The following CCDC91 variants were observed in gnomAD, a reference collection of about 807,000 sequenced individuals.
The protein encoded by CCDC91 is coiled-coil domain containing 91, also known as coiled-coil domain-containing protein 91.
CCDC91 carries 48 observed loss-of-function variants against 63.2 expected under a neutral mutation model. The observed-to-expected ratio is 0.76, with a 90% CI of 0.60 to 0.97. CCDC91 has a LOEUF of 0.97. CCDC91 is among the 50% of genes least tolerant of loss of function. CCDC91 has a pLI of 0.00. For synonymous variants in CCDC91, 167 were observed against 165.8 expected, an observed-to-expected ratio of 1.01 and a Z score of -0.06; for missense variants, 500 against 494.6, an observed-to-expected ratio of 1.01 and a Z score of -0.10.
intron 1 of CCDC91, among the ~76,000 whole-genome samples, chr12:28,238,076 G>A (rs1056966353): frequency 2.0e-5 from 3 of 152,144 alleles, no homozygotes; most frequent in African/African-American, 4.8e-5. Flanking sequence ...CCCATTGTAA[G>A]TCTACAACCT....
At chr12:28,391,926 T>C (rs745931445) in intron 8 of CCDC91, among the ~76,000 whole-genome samples, 144 of 152,306 alleles carry the variant, frequency 9.5e-4, no homozygotes, top group Non-Finnish European at 7.4e-4. Context: ...ATAGCATAAA[T>C]AATGTATGTA....
rs536464215 is a variant in CCDC91, at chr12:28,289,848, C to T, written c.110-15801C>T. On this transcript the variant is annotated intron_variant, in intron 3 of 12. Transcript: ENST00000536442. ...CTGGGACTACAGATGCCCGCCACCA[C>T]GCCTGGCTAATTTTTTGTATTTTTT... Among the ~76,000 whole-genome samples, 25 of 151,974 alleles carry T rather than the reference C, an allele frequency of 1.6e-4. No homozygotes were observed. In the South Asian group the frequency reaches 2.7e-3, roughly 16 times the overall value.
intron 3 of CCDC91, chr12:28,302,526 G>A (rs143573922): frequency 3.9e-6 from 2 of 507,402 alleles, no homozygotes; most frequent in Non-Finnish European, 5.1e-6. Flanking sequence ...TGCATAAATT[G>A]TTAATGTTTA....
intron 8 of CCDC91, among the ~76,000 whole-genome samples, chr12:28,449,673 A>C (rs1229220072): frequency 2.6e-5 from 4 of 151,986 alleles, no homozygotes; most frequent in Non-Finnish European, 5.9e-5. Flanking sequence ...CTGTGGTAAA[A>C]TCTTGAGGTG....
Position 28,190,897 on chromosome 12 carries a change from C to T in CCDC91, c.-15+256C>T, listed in dbSNP as rs144358459. On this transcript the variant is annotated intron_variant, in intron 1 of 12. Coordinates refer to ENST00000536442, the MANE Select transcript of CCDC91 (RefSeq NM_018318.5). ...TCGCCGGTGGGTACCGGTATCTGCA[C>T]GTCCCAGAATCGAGTGTTTTCGAAA... Among the ~76,000 whole-genome samples the T allele has an allele frequency of 7.9e-4, 120 of 152,304 alleles. 5 individuals are homozygous for T. In the East Asian group the frequency reaches 0.022, roughly 28 times the overall value.
intron 7 of CCDC91, among the ~76,000 whole-genome samples, chr12:28,363,803 G>A (rs984240157): frequency 6.6e-6 from 1 of 150,676 alleles, no homozygotes; most frequent in African/African-American, 2.4e-5. Context: ...CATGAACCCG[G>A]GAGGCGGAGC....
At chr12:28,507,167 A>G (rs893565945) in intron 12 of CCDC91, among the ~76,000 whole-genome samples, 2 of 151,950 alleles carry the variant, frequency 1.3e-5, no homozygotes, top group African/African-American at 4.8e-5. Context: ...GGGGGTAAAA[A>G]ACTTCCAGTG....
chr12:28,452,604 G>GT lies in CCDC91; in HGVS notation c.1052dup (p.Ser352IlefsTer20). The stretch of plus-strand genomic sequence containing the variant: ...AGAACATGCAAAAGATCAAGAAAAA[G>GT]TATCTCAGGAAATTCAAAAAGCTAT... On this transcript the variant is annotated frameshift_variant, in exon 11 of 13. Coordinates refer to ENST00000536442, the MANE Select transcript of CCDC91 (RefSeq NM_018318.5). LOFTEE classifies it high-confidence loss of function. The GT allele has an allele frequency of 6.3e-7, 1 of 1,577,126 alleles. No individual in the cohort carries two copies. The highest frequency in any genetic ancestry group is 8.6e-7 in the Non-Finnish European group (1 of 1,162,786).
chr12:28,427,962 C>T (rs1948417534), intron 8 of CCDC91, among the ~76,000 whole-genome samples: 1 of 152,102 alleles, frequency 6.6e-6, no homozygotes, highest in Non-Finnish European at 1.5e-5. Flanking sequence ...CCAGTAAAGG[C>T]ATAAAGTAGG....
chr12:28,339,406 G>T (rs1227622763), intron 6 of CCDC91, among the ~76,000 whole-genome samples: 1 of 152,010 alleles, frequency 6.6e-6, no homozygotes, highest in African/African-American at 2.4e-5. Flanking sequence ...GGCATTAGGG[G>T]TTTGGGGCTG....
intron 12 of CCDC91, among the ~76,000 whole-genome samples, chr12:28,534,433 G>A (rs756707676): frequency 2.6e-4 from 39 of 152,126 alleles, no homozygotes; most frequent in Non-Finnish European, 4.0e-4. Context: ...CAAATAGTAA[G>A]GTGAAGTTCT....
At chr12:28,244,878 A>G (rs1244190781) in intron 1 of CCDC91, among the ~76,000 whole-genome samples, 7 of 151,964 alleles carry the variant, frequency 4.6e-5, no homozygotes, top group Non-Finnish European at 1.0e-4. Context: ...CTCAAAAAAA[A>G]AAAAGAAATA....
chr12:28,429,999 T>G (rs1948544287), intron 8 of CCDC91, among the ~76,000 whole-genome samples: 1 of 152,092 alleles, frequency 6.6e-6, no homozygotes, highest in African/African-American at 2.4e-5. Flanking sequence ...ATCAGGAATT[T>G]TTTTTTCTAG....
At chr12:28,413,320 T>C (rs1366465389) in intron 8 of CCDC91, among the ~76,000 whole-genome samples, 1 of 152,156 alleles carries the variant, frequency 6.6e-6, no homozygotes, top group Admixed American at 6.5e-5. Context: ...TCCCCACAGT[T>C]CTTAATGGAT....
intron 11 of CCDC91, among the ~76,000 whole-genome samples, chr12:28,462,371 T>C (rs1472412317): frequency 6.6e-6 from 1 of 152,150 alleles, no homozygotes; most frequent in African/African-American, 2.4e-5. Context: ...AATTTTTATA[T>C]ATTATCTTTT....
chr12:28,462,858 G>T (rs1950373162), intron 11 of CCDC91, among the ~76,000 whole-genome samples: 1 of 152,116 alleles, frequency 6.6e-6, no homozygotes, highest in Admixed American at 6.6e-5. Context: ...CCCACATTGT[G>T]ATGTAGAAAG....
In CCDC91 at chr12:28,224,049, C is replaced by T. The variant is rs75127067; in HGVS notation, c.-14-33153C>T. Reference sequence around the variant, plus strand: ...TGCTCCACAAATCAGTGACCAGAATCGTTTCATTTTGTGCCCATGTGGTTT... The same window carrying T: ...TGCTCCACAAATCAGTGACCAGAATTGTTTCATTTTGTGCCCATGTGGTTT... On this transcript the variant is annotated intron_variant, in intron 1 of 12. Transcript: ENST00000536442. 2.1e-3 allele frequency among the ~76,000 whole-genome samples: 313 copies of T among 152,248 alleles called. 2 individuals carry two copies. The highest frequency in any genetic ancestry group is 7.1e-3 in the African/African-American group (294 of 41,544).
At chr12:28,425,466 G>A (rs1184013927) in intron 8 of CCDC91, among the ~76,000 whole-genome samples, 1 of 152,108 alleles carries the variant, frequency 6.6e-6, no homozygotes, top group Non-Finnish European at 1.5e-5. Flanking sequence ...TCCAACAGCA[G>A]TGAGTTGACC....
At chr12:28,546,508 A>T (rs1942997761) in intron 12 of CCDC91, among the ~76,000 whole-genome samples, 1 of 152,044 alleles carries the variant, frequency 6.6e-6, no homozygotes, top group African/African-American at 2.4e-5. Flanking sequence ...TGGAAAGCTG[A>T]TTTATAATTG....
Sources: gnomAD v4.1 joint callset for allele counts (sites outside exome capture counted in the v4.1 genomes callset) on GRCh38, gnomAD v4.1.1 for gene constraint, MANE v1.5 for transcripts, NCBI Gene and HGNC (gene_info 2026-07-23, HGNC 2026-07-21) for gene names.